The following BMPR1B variants were observed in gnomAD, a reference collection of about 807,000 sequenced individuals.
The protein encoded by BMPR1B is bone morphogenetic protein receptor type-1B.
BMPR1B carries 12 observed loss-of-function variants against 59.1 expected under a neutral mutation model. That is an observed-to-expected ratio of 0.20 (90% CI 0.13 to 0.33). The LOEUF (loss-of-function observed/expected upper bound fraction) is 0.33. BMPR1B is among the 10% of genes least tolerant of loss of function. BMPR1B has a pLI of 1.00. For synonymous variants in BMPR1B, 237 were observed against 207.3 expected (o/e 1.14, Z -1.23); for missense variants, 550 against 610.9 (o/e 0.90, Z 1.05).
intron 2 of BMPR1B, among the ~76,000 whole-genome samples, chr4:94,954,574 G>C (rs573365679): frequency 6.6e-6 from 1 of 152,314 alleles, no homozygotes; most frequent in South Asian, 2.1e-4. Flanking sequence ...AAAGAGACTA[G>C]TTAAGCATAA....
rs1414676286 is a variant in BMPR1B, at chr4:95,131,258, G to T, written c.822G>T (p.Gln274His). 1 of 1,613,828 alleles carries T rather than the reference G, an allele frequency of 6.2e-7. No homozygotes were observed. ...ADIKGTGSWT[Q>H]LYLITDYHEN... is the part of the protein sequence containing the mutation. ...TCAAAGGGACAGGGTCCTGGACCCA[G>T]TTGTACCTAATCACAGACTATCATG... Residue 274 changes from glutamine to histidine, a missense_variant, in exon 10 of 13, where the codon CAG becomes CAT. Coordinates refer to ENST00000515059, the MANE Select transcript of BMPR1B (RefSeq NM_001203.3).
At chr4:95,105,787 G>T (rs937781324) in intron 4 of BMPR1B, among the ~76,000 whole-genome samples, 2 of 151,962 alleles carry the variant, frequency 1.3e-5, no homozygotes, top group Admixed American at 1.3e-4. Context: ...CCAAAGCTCA[G>T]TTTTTTCCAG....
chr4:94,949,081 G>A (rs945216216), intron 2 of BMPR1B, among the ~76,000 whole-genome samples: 6 of 152,068 alleles, frequency 3.9e-5, no homozygotes, highest in African/African-American at 1.2e-4. Flanking sequence ...CCATCAACCC[G>A]CCATCTACAT....
intron 10 of BMPR1B, among the ~76,000 whole-genome samples, chr4:95,139,736 T>C (rs181167558): frequency 3.9e-4 from 59 of 152,060 alleles, no homozygotes; most frequent in Non-Finnish European, 7.4e-4. Flanking sequence ...CTCGGAGCCA[T>C]GCGCGGGATA....
In BMPR1B at chr4:95,115,542, A is replaced by G. The variant is rs17023052; in HGVS notation, c.247-143A>G. The G allele has an allele frequency of 1.3e-3, 938 of 739,640 alleles. 4 individuals carry two copies. The African/African-American group carries it at 0.015, about 12-fold the overall frequency. The allele number at this position is 739,640 out of a possible 1,614,324, so 45.8% of individuals were successfully genotyped here. A position where few individuals can be genotyped will look rare whatever the true frequency, so the allele number is the denominator to read the frequency against. On this transcript the variant is annotated intron_variant, in intron 5 of 12. Transcript: ENST00000515059. The stretch of plus-strand genomic sequence containing the variant: ...TAGCTTGAAATAAATTACCTTATAG[A>G]GGAGAACATATTTAAGGTGTTTGAG...
intron 1 of BMPR1B, among the ~76,000 whole-genome samples, chr4:94,784,032 A>G (rs1174685949): frequency 6.6e-6 from 1 of 152,104 alleles, no homozygotes; most frequent in Non-Finnish European, 1.5e-5. Flanking sequence ...CCTTCTTACC[A>G]AGATTTAGTA....
At chr4:95,116,880 T>C (rs1431121464) in intron 6 of BMPR1B, among the ~76,000 whole-genome samples, 4 of 152,188 alleles carry the variant, frequency 2.6e-5, no homozygotes, top group Non-Finnish European at 5.9e-5. Flanking sequence ...ACCAGCATTT[T>C]TTTTTAATTG....
chr4:94,812,995 C>CTT (rs34150265), intron 1 of BMPR1B, among the ~76,000 whole-genome samples: 2 of 148,578 alleles, frequency 1.3e-5, no homozygotes, highest in African/African-American at 4.9e-5. Context: ...ATAGTTTAAG[C>CTT]TTTTTTTTTT....
At chr4:95,138,943 G>T (rs1173918093) in intron 10 of BMPR1B, among the ~76,000 whole-genome samples, 1 of 152,186 alleles carries the variant, frequency 6.6e-6, no homozygotes, top group Non-Finnish European at 1.5e-5. Context: ...GTGCAGCTTT[G>T]TTCCATTGCT....
intron 3 of BMPR1B, among the ~76,000 whole-genome samples, chr4:95,049,903 G>T (rs527592095): frequency 1.3e-5 from 2 of 152,224 alleles, no homozygotes; most frequent in Middle Eastern, 3.4e-3. Flanking sequence ...AATGGTTGCT[G>T]ATATGAGTTC....
At chr4:95,048,164 A>G (rs1416815023) in intron 3 of BMPR1B, among the ~76,000 whole-genome samples, 1 of 152,156 alleles carries the variant, frequency 6.6e-6, no homozygotes, top group Non-Finnish European at 1.5e-5. Flanking sequence ...CATGGTGTAT[A>G]TGTACCATAT....
chr4:94,915,137 T>C (rs1448642348), intron 2 of BMPR1B, among the ~76,000 whole-genome samples: 4 of 152,224 alleles, frequency 2.6e-5, no homozygotes, highest in Non-Finnish European at 5.9e-5. Context: ...GAATTTTGCA[T>C]GTGTGACATT....
intron 2 of BMPR1B, among the ~76,000 whole-genome samples, chr4:94,905,436 A>G (rs1727999141): frequency 6.6e-6 from 1 of 152,064 alleles, no homozygotes; most frequent in Admixed American, 6.6e-5. Flanking sequence ...TAGTTTAAAA[A>G]CAGCTCTTAA....
chr4:94,890,309 C>A (rs1727339843), intron 2 of BMPR1B, among the ~76,000 whole-genome samples: 1 of 151,930 alleles, frequency 6.6e-6, no homozygotes, highest in Non-Finnish European at 1.5e-5. Flanking sequence ...AATGAGGTAA[C>A]CCCCTCTCCC....
intron 3 of BMPR1B, among the ~76,000 whole-genome samples, chr4:95,083,308 G>C (rs1729316108): frequency 6.6e-6 from 1 of 152,038 alleles, no homozygotes. Context: ...CCACAAAGAT[G>C]CCAATGATAA....
At chr4:94,802,917 G>C (rs573161298) in intron 1 of BMPR1B, among the ~76,000 whole-genome samples, 1 of 152,246 alleles carries the variant, frequency 6.6e-6, no homozygotes, top group South Asian at 2.1e-4. Flanking sequence ...AAGATGGGGA[G>C]GTATGTGGGA....
intron 3 of BMPR1B, among the ~76,000 whole-genome samples, chr4:95,002,108 G>C (rs1379426590): frequency 6.6e-6 from 1 of 152,098 alleles, no homozygotes; most frequent in Non-Finnish European, 1.5e-5. Context: ...CTACCCACTA[G>C]GTAGTTTTTC....
rs931368830 is a variant in BMPR1B at position 94,840,631 on chromosome 4, T to G, written c.-182-35200T>G. 2.2e-4 allele frequency among the ~76,000 whole-genome samples: 32 copies of G among 145,548 alleles called. 3 individuals carry two copies. Among genetic ancestry groups the G allele is most frequent in the African/African-American group, 7.4e-4 (29 of 39,144 alleles). On this transcript the variant is annotated intron_variant, in intron 1 of 12. Transcript: ENST00000515059. ...AGCTCCATCAGCTCCTTTAAGCACT[T>G]CTTTGTATTGGTTATTGTAGTTATA...
At chr4:95,120,560 AG>A (rs527642324) in intron 6 of BMPR1B, among the ~76,000 whole-genome samples, 155 of 152,020 alleles carry the variant, frequency 1.0e-3, no homozygotes, top group African/African-American at 3.5e-3. Context: ...GAGTTCAGCA[AG>A]GTTTAAGGAT....
Sources: gnomAD v4.1 joint callset for allele counts (sites outside exome capture counted in the v4.1 genomes callset) on GRCh38, gnomAD v4.1.1 for gene constraint, MANE v1.5 for transcripts, NCBI Gene and HGNC (gene_info 2026-07-23, HGNC 2026-07-21) for gene names.